Variants in CFAP61 observed in about 807,000 individuals in gnomAD.
The protein encoded by CFAP61 is cilia and flagella associated protein 61.
In CFAP61, 107 loss-of-function variants were observed where a neutral mutation model predicts 135.6. The ratio of observed to expected loss-of-function variants is 0.79; its 90% CI spans 0.67 to 0.93. CFAP61 has a LOEUF of 0.93. CFAP61 is among the 40% of genes least tolerant of loss of function. CFAP61 has a pLI of 0.00. For synonymous variants in CFAP61, 575 were observed against 578.5 expected (o/e 0.99, Z 0.09); for missense variants, 1,507 against 1,556.2 (o/e 0.97, Z 0.53).
intron 25 of CFAP61, 93 bp downstream of exon 25, chr20:20,298,479 A>G: frequency 2.9e-6 from 3 of 1,049,484 alleles, no homozygotes; most frequent in East Asian, 2.6e-5. Context: ...ACCCGAGAGC[A>G]AAACGGGAAT....
intron 8 of CFAP61, among the ~76,000 whole-genome samples, chr20:20,110,731 T>C (rs1361845775): frequency 4.6e-5 from 7 of 152,142 alleles, no homozygotes; most frequent in South Asian, 2.1e-4. Context: ...ATGAGTGTTA[T>C]AGTGAGCTTC....
At chr20:20,101,972 TG>T (rs1455377166) in intron 8 of CFAP61, among the ~76,000 whole-genome samples, 2 of 152,180 alleles carry the variant, frequency 1.3e-5, no homozygotes, top group African/African-American at 4.8e-5. Context: ...ATCACTTCAG[TG>T]GGTGATCAGT....
At chr20:20,199,208 C>G (rs1395723809) in intron 16 of CFAP61, among the ~76,000 whole-genome samples, 2 of 152,174 alleles carry the variant, frequency 1.3e-5, no homozygotes, top group East Asian at 3.8e-4. Context: ...CCCCCACTTC[C>G]TAGTTTTATC....
intron 9 of CFAP61, among the ~76,000 whole-genome samples, chr20:20,151,283 G>A (rs1415634214): frequency 1.3e-5 from 2 of 150,652 alleles, no homozygotes; most frequent in African/African-American, 4.9e-5. Context: ...CAGTAGACTA[G>A]AACAAGTAGA....
rs563776966 is a variant in CFAP61, at chr20:20,063,973, C to T, written c.144-6881C>T. Among the ~76,000 whole-genome samples, 3 of 150,860 alleles carry T rather than the reference C, an allele frequency of 2.0e-5. No homozygotes were observed. In the East Asian group the frequency reaches 5.8e-4, roughly 29 times the overall value. ...ATAAAACTGACAAAATAACTCTAAG[C>T]TCATTATGGGGTAAATTGTCAACTA... On this transcript the variant is annotated intron_variant, in intron 2 of 26. Transcript: ENST00000245957.
chr20:20,337,749 A>G (rs4458283), intron 25 of CFAP61, among the ~76,000 whole-genome samples: 139,469 of 150,890 alleles, frequency 0.92, 65,472 homozygotes, highest in East Asian at 1. Context: ...GAGGTCATGG[A>G]GCACAGGGGC....
intron 26 of CFAP61, among the ~76,000 whole-genome samples, chr20:20,355,457 T>G (rs1367577381): frequency 6.4e-5 from 1 of 15,748 alleles, no homozygotes; most frequent in Non-Finnish European, 1.3e-4. Flanking sequence ...TGAGGGGAGG[T>G]GGTCACACTG....
At chr20:20,156,219 T>A (rs1453744088) in intron 9 of CFAP61, among the ~76,000 whole-genome samples, 1 of 152,172 alleles carries the variant, frequency 6.6e-6, no homozygotes, top group Non-Finnish European at 1.5e-5. Context: ...TAATCATGAC[T>A]GAGTAGGGTT....
chr20:20,197,458 T>G (rs933053660), intron 16 of CFAP61, among the ~76,000 whole-genome samples: 1 of 152,150 alleles, frequency 6.6e-6, no homozygotes, highest in Non-Finnish European at 1.5e-5. Context: ...TTATCTATTT[T>G]ACCATGAACG....
intron 13 of CFAP61, among the ~76,000 whole-genome samples, chr20:20,182,633 A>G (rs2146854672): frequency 6.6e-6 from 1 of 152,302 alleles, no homozygotes; most frequent in East Asian, 1.9e-4. Flanking sequence ...CATTTTAATC[A>G]TTGATTTTAA....
At chr20:20,170,157 G>C (rs1469496865) in intron 13 of CFAP61, among the ~76,000 whole-genome samples, 1 of 152,176 alleles carries the variant, frequency 6.6e-6, no homozygotes, top group Non-Finnish European at 1.5e-5. Context: ...GCCAGAGGAA[G>C]CTTTCTTGAG....
intron 12 of CFAP61, 36 bp downstream of exon 12, chr20:20,166,472 A>C: frequency 6.5e-7 from 1 of 1,530,888 alleles, no homozygotes; most frequent in Non-Finnish European, 9.0e-7. Flanking sequence ...CTGATTTTGT[A>C]AGCTTAGAGA....
intron 13 of CFAP61, among the ~76,000 whole-genome samples, chr20:20,185,636 T>C (rs913208081): frequency 1.3e-5 from 2 of 152,164 alleles, no homozygotes; most frequent in Non-Finnish European, 2.9e-5. Context: ...TCTTTTTCAT[T>C]TGGGGGATGT....
At chr20:20,296,413 T>G (rs1204217915) in intron 24 of CFAP61, among the ~76,000 whole-genome samples, 5 of 135,258 alleles carry the variant, frequency 3.7e-5, no homozygotes, top group Non-Finnish European at 8.1e-5. Context: ...CTTCTTTCTT[T>G]CTTTTCTTTC....
chr20:20,074,014 C>A lies in CFAP61; in HGVS notation c.295-288C>A. On this transcript the variant is annotated intron_variant, in intron 3 of 26. Coordinates refer to ENST00000245957, the MANE Select transcript of CFAP61 (RefSeq NM_015585.4). The stretch of plus-strand genomic sequence containing the variant: ...AATCGATTTCACTCCCCTGCAGGCT[C>A]TCCCGCAGCTCATTCGTGAGGGCAG... 3 of 417,524 alleles carry A rather than the reference C, an allele frequency of 7.2e-6. No individual in the cohort carries two copies. In the South Asian group the frequency reaches 9.1e-5, roughly 13 times the overall value. The allele number at this position is 417,524 out of a possible 1,614,324, so 25.9% of individuals were successfully genotyped here.
chr20:20,153,110 A>C (rs2424290), intron 9 of CFAP61, among the ~76,000 whole-genome samples: 137,245 of 152,184 alleles, frequency 0.9, 62,702 homozygotes, highest in Middle Eastern at 0.99. Flanking sequence ...AAATAATCTG[A>C]ACTTGAATGA....
chr20:20,279,402 T>C (rs1410306086), intron 22 of CFAP61, among the ~76,000 whole-genome samples: 1 of 152,224 alleles, frequency 6.6e-6, no homozygotes, highest in African/African-American at 2.4e-5. Context: ...TTTATATGTA[T>C]TGTATACTCT....
At chr20:20,213,429 G>T (rs2047808678) in intron 17 of CFAP61, among the ~76,000 whole-genome samples, 1 of 151,990 alleles carries the variant, frequency 6.6e-6, no homozygotes, top group Admixed American at 6.6e-5. Context: ...AAGCCAGTGG[G>T]CTCAGAACAT....
At chr20:20,355,723 A>AGGT (rs200325796) in intron 26 of CFAP61, among the ~76,000 whole-genome samples, 2 of 126,404 alleles carry the variant, frequency 1.6e-5, no homozygotes, top group African/African-American at 6.4e-5. Context: ...CTGTGAGGGG[A>AGGT]GGTCACACTG....
Sources: allele counts gnomAD v4.1 joint callset (sites outside exome capture counted in the v4.1 genomes callset), GRCh38; gene constraint gnomAD v4.1.1; transcripts MANE v1.5; gene names NCBI Gene and HGNC (gene_info 2026-07-23, HGNC 2026-07-21).